Variants in NMNAT2 observed in about 807,000 individuals in gnomAD.
NMNAT2 encodes nicotinamide/nicotinic acid mononucleotide adenylyltransferase 2.
Under a neutral mutation model 41.6 loss-of-function variants are expected in NMNAT2, and 11 were observed. The ratio of observed to expected loss-of-function variants is 0.26; its 90% CI spans 0.17 to 0.44. The LOEUF (loss-of-function observed/expected upper bound fraction) is 0.44, where lower values mean the gene tolerates loss of function less well. NMNAT2 is among the 20% of genes least tolerant of loss of function. The pLI is 1.00. For missense variants in NMNAT2, 288 were observed against 407.7 expected, an observed-to-expected ratio of 0.71 and a Z score of 2.53; for synonymous variants, 148 against 151.2, an observed-to-expected ratio of 0.98 and a Z score of 0.16.
At chr1:183,396,508 G>A (rs1045283894) in intron 1 of NMNAT2, among the ~76,000 whole-genome samples, 1 of 152,046 alleles carries the variant, frequency 6.6e-6, no homozygotes, top group African/African-American at 2.4e-5. Context: ...ACCTCCTTGG[G>A]ACATTTGACT....
At chr1:183,292,954 A>AT in intron 2 of NMNAT2, 97 bp from the exon 3 acceptor site, 1 of 1,111,986 alleles carries the variant, frequency 9.0e-7, no homozygotes, top group South Asian at 1.3e-5. Context: ...AAGTGCAGCC[A>AT]TTTTTCAGTG....
Position 183,293,803 on chromosome 1 carries a change from A to G in NMNAT2, c.86-10T>C, listed in dbSNP as rs747664151. On this transcript the variant is annotated splice_polypyrimidine_tract_variant and intron_variant, in intron 1 of 10. Coordinates refer to ENST00000287713, the MANE Select transcript of NMNAT2 (RefSeq NM_015039.4). ...TAATCCCTGGCTCTTTCTAATTAAG[A>G]GAAGAAACCCACACATTATAAAGAG... 4 of 1,593,296 alleles carry G rather than the reference A, an allele frequency of 2.5e-6. No individual in the cohort carries two copies. Among genetic ancestry groups the G allele is most frequent in the Non-Finnish European group, 3.4e-6 (4 of 1,161,080 alleles).
At chr1:183,322,204 A>G (rs1238291494) in intron 1 of NMNAT2, among the ~76,000 whole-genome samples, 2 of 152,218 alleles carry the variant, frequency 1.3e-5, no homozygotes, top group African/African-American at 4.8e-5. Flanking sequence ...AAGACTGAAC[A>G]GACTTTCCTG....
At position 183,389,832 on chromosome 1, in the gene NMNAT2, GAA is replaced by G. The variant is rs1157933720; in HGVS notation, c.85+28349_85+28350del. ...AGAAAGAAAGAAAGAAAGAAAGAAA[GAA>G]AGAAAGAAAGGAAAAAAGAGAAAGA... On this transcript the variant is annotated intron_variant, in intron 1 of 10. Coordinates refer to ENST00000287713, the MANE Select transcript of NMNAT2 (RefSeq NM_015039.4). Among the ~76,000 whole-genome samples, 6 of 53,226 alleles carry G rather than the reference GAA, an allele frequency of 1.1e-4. 1 individual carries two copies. The highest frequency in any genetic ancestry group is 2.7e-4 in the Admixed American group (1 of 3,704). The allele number at this position is 53,226 out of a possible 152,430, so 34.9% of individuals were successfully genotyped here. A position where few individuals can be genotyped will look rare whatever the true frequency, so the allele number is the denominator to read the frequency against.
In NMNAT2 at chr1:183,398,237, C is replaced by CA. The variant is rs559264575; in HGVS notation, c.85+19945dup. ...GAAGATCTACCAAGCAAATGGAAAA[C>CA]AAAAAAAAGCAGGGGTTGCAATCCT... On this transcript the variant is annotated intron_variant, in intron 1 of 10. Coordinates refer to ENST00000287713, the MANE Select transcript of NMNAT2 (RefSeq NM_015039.4). 4.8e-4 allele frequency among the ~76,000 whole-genome samples: 72 copies of CA among 151,132 alleles called. 2 individuals are homozygous for CA. The South Asian group carries it at 0.014, about 30-fold the overall frequency.
chr1:183,372,145 TG>T (rs1461784298), intron 1 of NMNAT2, among the ~76,000 whole-genome samples: 1 of 152,104 alleles, frequency 6.6e-6, no homozygotes, highest in Non-Finnish European at 1.5e-5. Flanking sequence ...TCCACTCTTC[TG>T]GAAAACAGGG....
At chr1:183,336,577 G>C (rs1662681329) in intron 1 of NMNAT2, among the ~76,000 whole-genome samples, 1 of 152,190 alleles carries the variant, frequency 6.6e-6, no homozygotes, top group Admixed American at 6.5e-5. Flanking sequence ...TATTGTTGGT[G>C]ATAGGGAGGA....
chr1:183,393,254 A>G (rs1473519130), intron 1 of NMNAT2, among the ~76,000 whole-genome samples: 1 of 152,190 alleles, frequency 6.6e-6, no homozygotes, highest in Non-Finnish European at 1.5e-5. Context: ...AGCTTACAAA[A>G]TTCTTTCTCT....
chr1:183,251,469 G>C lies in NMNAT2; in HGVS notation c.*1172C>G, dbSNP rs201659952. ...ACAATACATAATTCCAATTAGCAAA[G>C]ACCTCCAGGGTTGAGTGGACTCCTA... On this transcript the variant is annotated 3_prime_UTR_variant, in exon 11 of 11. Transcript: ENST00000287713. 2 of 152,292 alleles carry C rather than the reference G, an allele frequency of 1.3e-5. No homozygotes were observed. The highest frequency in any genetic ancestry group is 2.9e-5 in the Non-Finnish European group (2 of 68,106). The allele number at this position is 152,292 out of a possible 1,614,324, so 9.4% of individuals were successfully genotyped here. A position where few individuals can be genotyped will look rare whatever the true frequency, so the allele number is the denominator to read the frequency against.
At chr1:183,344,478 C>A (rs935596228) in intron 1 of NMNAT2, among the ~76,000 whole-genome samples, 7 of 152,206 alleles carry the variant, frequency 4.6e-5, no homozygotes, top group African/African-American at 1.4e-4. Flanking sequence ...TCTGTCTCCT[C>A]ACAACACTGT....
At chr1:183,325,545 C>G (rs1468655827) in intron 1 of NMNAT2, among the ~76,000 whole-genome samples, 1 of 152,272 alleles carries the variant, frequency 6.6e-6, no homozygotes, top group Middle Eastern at 3.4e-3. Flanking sequence ...ACTCCAGAAA[C>G]CTCTAGAGAA....
intron 1 of NMNAT2, among the ~76,000 whole-genome samples, chr1:183,294,340 T>A (rs1661624454): frequency 6.6e-6 from 1 of 152,186 alleles, no homozygotes. Context: ...GACGAAAAAT[T>A]TGGCCAGATA....
chr1:183,355,116 C>T (rs1436785931), intron 1 of NMNAT2, among the ~76,000 whole-genome samples: 1 of 152,272 alleles, frequency 6.6e-6, no homozygotes, highest in East Asian at 1.9e-4. Context: ...TCCCCTTGCC[C>T]CTTTCTTCCT....
chr1:183,401,557 A>G (rs1648808840), intron 1 of NMNAT2, among the ~76,000 whole-genome samples: 1 of 152,214 alleles, frequency 6.6e-6, no homozygotes, highest in Admixed American at 6.5e-5. Flanking sequence ...CAGCCATCCC[A>G]TTACTGGGTG....
intron 1 of NMNAT2, among the ~76,000 whole-genome samples, chr1:183,294,099 G>T (rs1661617652): frequency 6.6e-6 from 1 of 152,192 alleles, no homozygotes; most frequent in Non-Finnish European, 1.5e-5. Context: ...GCAGCCATTA[G>T]AGCTACAGAT....
intron 1 of NMNAT2, among the ~76,000 whole-genome samples, chr1:183,348,103 T>C (rs1662970605): frequency 1.3e-5 from 2 of 152,332 alleles, no homozygotes; most frequent in South Asian, 4.1e-4. Flanking sequence ...TAAAATGCCC[T>C]GCTCTTTTAT....
intron 8 of NMNAT2, among the ~76,000 whole-genome samples, chr1:183,276,946 C>T (rs1661137385): frequency 6.6e-6 from 1 of 152,218 alleles, no homozygotes; most frequent in Non-Finnish European, 1.5e-5. Context: ...TTCCCGGAAA[C>T]TTTCCCTCCC....
intron 1 of NMNAT2, among the ~76,000 whole-genome samples, chr1:183,320,772 A>G (rs755551477): frequency 2.0e-5 from 3 of 152,178 alleles, no homozygotes; most frequent in Non-Finnish European, 2.9e-5. Flanking sequence ...TTCATTTTAC[A>G]GATAAAGAAA....
chr1:183,307,507 A>C (rs1662020393), intron 1 of NMNAT2, among the ~76,000 whole-genome samples: 1 of 151,676 alleles, frequency 6.6e-6, no homozygotes, highest in Non-Finnish European at 1.5e-5. Flanking sequence ...CAATGTCATG[A>C]TCTTGGCTCA....
Sources: allele counts gnomAD v4.1 joint callset (sites outside exome capture counted in the v4.1 genomes callset), GRCh38; gene constraint gnomAD v4.1.1; transcripts MANE v1.5; gene names NCBI Gene and HGNC (gene_info 2026-07-23, HGNC 2026-07-21).